RORB: variants seen among roughly 807,000 people sequenced by gnomAD.
RORB encodes the protein nuclear receptor ROR-beta.
Under a neutral mutation model 59.1 loss-of-function variants are expected in RORB, and 6 were observed. The ratio of observed to expected loss-of-function variants is 0.10; its 90% CI spans 0.06 to 0.20. The LOEUF (loss-of-function observed/expected upper bound fraction) is 0.20, where lower values mean the gene tolerates loss of function less well. Among genes scored for constraint, RORB ranks in the 10% least tolerant of loss-of-function variants. The pLI is 1.00. For synonymous variants in RORB, 215 were observed against 204.5 expected, an observed-to-expected ratio of 1.05 and a Z score of -0.44; for missense variants, 320 against 560.5, an observed-to-expected ratio of 0.57 and a Z score of 4.33.
intron 1 of RORB, among the ~76,000 whole-genome samples, chr9:74,500,832 C>A (rs1490684130): frequency 6.6e-6 from 1 of 152,170 alleles, no homozygotes; most frequent in Non-Finnish European, 1.5e-5. Flanking sequence ...GAGTCCCGGA[C>A]ACAGCGCAGT....
At chr9:74,644,227 C>T (rs945189377) in intron 4 of RORB, among the ~76,000 whole-genome samples, 1 of 152,142 alleles carries the variant, frequency 6.6e-6, no homozygotes, top group Admixed American at 6.5e-5. Context: ...TCCCTTTTAG[C>T]AATGCAGCAT....
chr9:74,665,710 A>G (rs2118526431), intron 7 of RORB, 115 bp downstream of exon 7: 4 of 688,944 alleles, frequency 5.8e-6, no homozygotes, highest in Non-Finnish European at 1.0e-5. Flanking sequence ...GTATCTCATT[A>G]TTCGATAAGC....
intron 7 of RORB, among the ~76,000 whole-genome samples, chr9:74,666,049 G>A (rs564774641): frequency 6.6e-6 from 1 of 152,342 alleles, no homozygotes; most frequent in Non-Finnish European, 1.5e-5. Flanking sequence ...CACTTTGGGA[G>A]GCTGAGGCAG....
intron 4 of RORB, among the ~76,000 whole-genome samples, chr9:74,651,226 C>T (rs909403584): frequency 6.6e-6 from 1 of 152,126 alleles, no homozygotes; most frequent in African/African-American, 2.4e-5. Flanking sequence ...CTCCCCCATG[C>T]GTCACAACAA....
At chr9:74,622,282 T>C (rs949563672) in intron 1 of RORB, among the ~76,000 whole-genome samples, 3 of 152,166 alleles carry the variant, frequency 2.0e-5, no homozygotes, top group African/African-American at 7.2e-5. Flanking sequence ...ACGAGTTTTA[T>C]TTACTGAAGC....
At chr9:74,597,080 C>G (rs1352830678) in intron 1 of RORB, among the ~76,000 whole-genome samples, 3 of 152,204 alleles carry the variant, frequency 2.0e-5, no homozygotes, top group Non-Finnish European at 4.4e-5. Flanking sequence ...CCAAGAGTTT[C>G]TAGCTCAGTC....
intron 3 of RORB, among the ~76,000 whole-genome samples, chr9:74,640,530 G>A (rs1006857411): frequency 1.8e-4 from 28 of 151,940 alleles, no homozygotes; most frequent in African/African-American, 1.5e-4. Context: ...TGATCTGCCC[G>A]CCTTGGCCTC....
At chr9:74,616,537 A>G (rs903166413) in intron 1 of RORB, among the ~76,000 whole-genome samples, 3 of 152,210 alleles carry the variant, frequency 2.0e-5, no homozygotes, top group Non-Finnish European at 2.9e-5. Flanking sequence ...TGGTGAAATA[A>G]GCTATTACCA....
At chr9:74,618,740 C>T (rs1179342509) in intron 1 of RORB, among the ~76,000 whole-genome samples, 1 of 151,702 alleles carries the variant, frequency 6.6e-6, no homozygotes, top group African/African-American at 2.4e-5. Flanking sequence ...GACTTTTGCT[C>T]GTGTGTGTGT....
chr9:74,684,852 C>T (rs1164137785), intron 9 of RORB, among the ~76,000 whole-genome samples: 1 of 152,182 alleles, frequency 6.6e-6, no homozygotes, highest in African/African-American at 2.4e-5. Flanking sequence ...TTATAGATTG[C>T]ACCTCATACA....
At chr9:74,615,805 C>T (rs1300045298) in intron 1 of RORB, among the ~76,000 whole-genome samples, 1 of 152,136 alleles carries the variant, frequency 6.6e-6, no homozygotes, top group Non-Finnish European at 1.5e-5. Context: ...ACAAGTCACT[C>T]AGGCTTAATT....
chr9:74,560,649 A>T (rs1015609465), intron 1 of RORB, among the ~76,000 whole-genome samples: 21 of 151,692 alleles, frequency 1.4e-4, no homozygotes, highest in African/African-American at 2.4e-5. Context: ...TTCTTTTGAA[A>T]TTTTTCTGAT....
At chr9:74,680,713 G>A (rs543671712) in intron 9 of RORB, among the ~76,000 whole-genome samples, 1 of 152,254 alleles carries the variant, frequency 6.6e-6, no homozygotes, top group African/African-American at 2.4e-5. Context: ...ATGTGAAATT[G>A]ATGTGTTCAG....
At chr9:74,622,482 C>T (rs888565914) in intron 1 of RORB, among the ~76,000 whole-genome samples, 5 of 141,220 alleles carry the variant, frequency 3.5e-5, no homozygotes, top group African/African-American at 1.1e-4. Context: ...GAAATGTTAT[C>T]GTGTATATGA....
In RORB at chr9:74,642,505, G is replaced by A. The variant is rs1413035716; in HGVS notation, c.327G>A (p.Gln109=). Residue 109 remains glutamine (Q), a synonymous_variant, in exon 4 of 10, where the codon CAG becomes CAA. Coordinates refer to ENST00000376896, the MANE Select transcript of RORB (RefSeq NM_006914.4). ...AGCAGCGGCTGCAGGAACAGCGGCA[G>A]CAGCAGAGTGGGGAGGCAGAAGCCC... is the stretch of plus-strand genomic sequence containing the variant. ...KHQQRLQEQR[Q]QQSGEAEALA... 1 of 1,614,238 alleles carries A rather than the reference G, an allele frequency of 6.2e-7. No individual in the cohort carries two copies. The highest frequency in any genetic ancestry group is 1.7e-5 in the Admixed American group (1 of 60,036).
chr9:74,656,037 T>A (rs772491061), intron 4 of RORB, among the ~76,000 whole-genome samples: 25 of 152,328 alleles, frequency 1.6e-4, no homozygotes, highest in Admixed American at 1.4e-3. Context: ...GGAAAATAAT[T>A]TTGCATGCTT....
At chr9:74,516,080 T>C (rs1345538024) in intron 1 of RORB, among the ~76,000 whole-genome samples, 2 of 152,074 alleles carry the variant, frequency 1.3e-5, no homozygotes, top group Non-Finnish European at 2.9e-5. Context: ...GGCATGGAAG[T>C]AAAGCAGTCC....
chr9:74,544,876 G>C (rs544302363), intron 1 of RORB, among the ~76,000 whole-genome samples: 1 of 152,156 alleles, frequency 6.6e-6, no homozygotes, highest in Non-Finnish European at 1.5e-5. Context: ...AACTTTGAAA[G>C]CAGATCTTTA....
chr9:74,516,180 A>G (rs1362469308), intron 1 of RORB, among the ~76,000 whole-genome samples: 1 of 152,084 alleles, frequency 6.6e-6, no homozygotes, highest in Non-Finnish European at 1.5e-5. Context: ...TAATACCATC[A>G]TCGTAGGCTC....
Sources: allele counts gnomAD v4.1 joint callset (sites outside exome capture counted in the v4.1 genomes callset), GRCh38; gene constraint gnomAD v4.1.1; transcripts MANE v1.5; gene names NCBI Gene and HGNC (gene_info 2026-07-23, HGNC 2026-07-21).